RSPH14: variants seen among roughly 807,000 people sequenced by gnomAD.
RSPH14 encodes the protein radial spoke head 14 homolog, also known as rhabdoid tumor deletion region gene 1.
In RSPH14, 20 loss-of-function variants were observed where a neutral mutation model predicts 26.7. The ratio of observed to expected loss-of-function variants is 0.75; its 90% CI spans 0.53 to 1.09. RSPH14 has a LOEUF of 1.09. Among genes scored for constraint, RSPH14 ranks in the 50% least tolerant of loss-of-function variants. The pLI is 0.00. For synonymous variants in RSPH14, 177 were observed against 189.3 expected (o/e 0.93, Z 0.53); for missense variants, 449 against 457.2 (o/e 0.98, Z 0.16).
intron 4 of RSPH14, among the ~76,000 whole-genome samples, chr22:23,106,476 T>C (rs1366194884): frequency 6.6e-6 from 1 of 152,240 alleles, no homozygotes; most frequent in African/African-American, 2.4e-5. Flanking sequence ...GGTGGGGCCC[T>C]GGCCTGGCTG....
chr22:23,147,709 G>C (rs766059421), upstream of RSPH14, among the ~76,000 whole-genome samples: 2 of 152,164 alleles, frequency 1.3e-5, no homozygotes, highest in African/African-American at 4.8e-5. Flanking sequence ...ATAGGGGTTG[G>C]AGCAGTTTGT....
the RSPH14 span, chr22:23,152,898 C>A: frequency 1.4e-6 from 1 of 691,254 alleles, no homozygotes; most frequent in Middle Eastern, 2.5e-4. Context: ...CCCTGCCCAC[C>A]CATGGCCTGC....
chr22:23,143,437 CA>C (rs1443046681), upstream of RSPH14, among the ~76,000 whole-genome samples: 1 of 152,074 alleles, frequency 6.6e-6, no homozygotes, highest in Non-Finnish European at 1.5e-5. Flanking sequence ...CTCACTGTAC[CA>C]GGGCAAGAAA....
intron 4 of RSPH14, among the ~76,000 whole-genome samples, chr22:23,077,020 G>A (rs1014006757): frequency 2.0e-5 from 3 of 152,142 alleles, no homozygotes; most frequent in Admixed American, 6.5e-5. Flanking sequence ...TGGAGTGACC[G>A]TCCAAAGCAT....
intron 6 of RSPH14, among the ~76,000 whole-genome samples, chr22:23,060,340 G>A (rs6003496): frequency 0.63 from 96,143 of 151,644 alleles, 32,649 homozygotes; most frequent in East Asian, 0.98. Context: ...GCATGGTGGC[G>A]GGCGCCTGTA....
the RSPH14 span, chr22:23,162,344 C>G: frequency 3.2e-6 from 1 of 309,206 alleles, no homozygotes; most frequent in Non-Finnish European, 6.4e-6. Flanking sequence ...CTGCGGGAGG[C>G]AGACTGCACA....
chr22:23,090,076 CG>C lies in RSPH14; in HGVS notation c.422-25944del, dbSNP rs374855283. Reference sequence around the variant, plus strand: ...GCAAACACTACACATCTGCTGGGGGCGGGGGCCAGGGACTGGATACTAGCTG... The same window carrying C: ...GCAAACACTACACATCTGCTGGGGGCGGGGCCAGGGACTGGATACTAGCTG... On this transcript the variant is annotated intron_variant, in intron 4 of 6. Transcript: ENST00000216036. 5.2e-3 allele frequency among the ~76,000 whole-genome samples: 799 copies of C among 152,196 alleles called. 9 individuals carry two copies. Among genetic ancestry groups the C allele is most frequent in the African/African-American group, 0.017 (715 of 41,502 alleles).
intron 4 of RSPH14, among the ~76,000 whole-genome samples, chr22:23,102,827 G>T (rs1166439267): frequency 1.3e-5 from 2 of 152,178 alleles, no homozygotes; most frequent in African/African-American, 4.8e-5. Flanking sequence ...CCATGATGAC[G>T]TTGTCAGGTG....
upstream of RSPH14, among the ~76,000 whole-genome samples, chr22:23,144,651 G>A (rs529656020): frequency 2.0e-5 from 3 of 149,766 alleles, no homozygotes; most frequent in African/African-American, 7.4e-5. Flanking sequence ...CTAGGAGTTC[G>A]AGTCCAGCCT....
intron 4 of RSPH14, among the ~76,000 whole-genome samples, chr22:23,092,313 A>G (rs972916404): frequency 2.6e-5 from 4 of 152,164 alleles, no homozygotes; most frequent in African/African-American, 9.7e-5. Context: ...AACCACAGCC[A>G]GGCTCCCAAC....
intron 2 of RSPH14, among the ~76,000 whole-genome samples, chr22:23,139,690 C>G (rs1439300977): frequency 6.6e-6 from 1 of 152,156 alleles, no homozygotes; most frequent in East Asian, 1.9e-4. Context: ...CCTAGACTTA[C>G]AATCCTTCTC....
intron 4 of RSPH14, among the ~76,000 whole-genome samples, chr22:23,099,068 G>A (rs148677141): frequency 6.6e-5 from 10 of 152,342 alleles, no homozygotes; most frequent in East Asian, 1.9e-4. Flanking sequence ...CCCTCCTTCC[G>A]TGCTCAGCTT....
chr22:23,160,563 T>G, the RSPH14 span, among the ~76,000 whole-genome samples: 2 of 152,336 alleles, frequency 1.3e-5, no homozygotes, highest in South Asian at 4.1e-4. Context: ...TGGGCCATAG[T>G]AGCATCTGAT....
intron 4 of RSPH14, among the ~76,000 whole-genome samples, chr22:23,103,304 G>C (rs565593324): frequency 2.0e-5 from 3 of 152,296 alleles, no homozygotes; most frequent in African/African-American, 7.2e-5. Flanking sequence ...CCGCCTCCAT[G>C]CCAGTTGTTA....
chr22:23,067,698 A>G (rs1042634654), intron 4 of RSPH14, among the ~76,000 whole-genome samples: 7 of 151,454 alleles, frequency 4.6e-5, no homozygotes, highest in African/African-American at 1.5e-4. Context: ...CACCTCCCCA[A>G]CTGCTCCTCC....
chr22:23,149,473 C>T (rs982279113), upstream of RSPH14, among the ~76,000 whole-genome samples: 12 of 152,152 alleles, frequency 7.9e-5, no homozygotes, highest in South Asian at 2.1e-4. Context: ...CAGCAGAAAG[C>T]GCCTCCTAGG....
At chr22:23,127,827 G>A (rs1467633511) in intron 4 of RSPH14, among the ~76,000 whole-genome samples, 6 of 152,110 alleles carry the variant, frequency 3.9e-5, no homozygotes, top group East Asian at 1.9e-4. Context: ...CATTTCACCC[G>A]CGGCACCCTC....
upstream of RSPH14, chr22:23,145,157 C>T: frequency 1.7e-6 from 1 of 595,330 alleles, no homozygotes; most frequent in East Asian, 2.8e-5. Context: ...CAACCTCTCC[C>T]AGCCGAGCTG....
At chr22:23,090,294 G>C (rs2068934213) in intron 4 of RSPH14, among the ~76,000 whole-genome samples, 1 of 152,044 alleles carries the variant, frequency 6.6e-6, no homozygotes, top group Admixed American at 6.6e-5. Context: ...TCGTCTCCCT[G>C]TTCCCACCCA....
Sources: allele counts gnomAD v4.1 joint callset (sites outside exome capture counted in the v4.1 genomes callset), GRCh38; gene constraint gnomAD v4.1.1; transcripts MANE v1.5; gene names NCBI Gene and HGNC (gene_info 2026-07-23, HGNC 2026-07-21).